The following COL4A4 variants were observed in gnomAD, a reference collection of about 807,000 sequenced individuals.
The protein encoded by COL4A4 is collagen alpha-4(IV) chain.
A neutral mutation model predicts 192.9 loss-of-function variants in COL4A4; 105 were observed. The observed-to-expected ratio is 0.54, with a 90% CI of 0.46 to 0.64. COL4A4 has a LOEUF of 0.64. Among genes scored for constraint, COL4A4 ranks in the 30% least tolerant of loss-of-function variants. The probability of loss-of-function intolerance (pLI) is 0.00; values close to 1 mark genes in which losing one functional copy is unlikely to be tolerated. For missense variants in COL4A4, 1,967 were observed against 2,169.3 expected (o/e 0.91, Z 1.85); for synonymous variants, 762 against 769.9 (o/e 0.99, Z 0.17).
intron 41 of COL4A4, among the ~76,000 whole-genome samples, chr2:227,028,919 CAA>C (rs1344572569): frequency 6.6e-6 from 1 of 152,088 alleles, no homozygotes; most frequent in African/African-American, 2.4e-5. Context: ...CTTGGCCTCC[CAA>C]AGTGTTGGGA....
At chr2:227,013,449 C>T (rs539115645) in intron 44 of COL4A4, among the ~76,000 whole-genome samples, 8 of 152,300 alleles carry the variant, frequency 5.3e-5, no homozygotes, top group Non-Finnish European at 1.0e-4. Context: ...AGGCTGGGCC[C>T]TAATCCAGGC....
At chr2:227,069,478 G>C (rs1044115913) in intron 25 of COL4A4, among the ~76,000 whole-genome samples, 2 of 151,900 alleles carry the variant, frequency 1.3e-5, no homozygotes, top group Admixed American at 6.6e-5. Context: ...ATACTACAAG[G>C]CTACAGTAAC....
rs367776132 is a variant in COL4A4, at chr2:227,025,783, A to G, written c.4090+19T>C. 6.2e-7 allele frequency: 1 copy of G among 1,611,726 alleles called. No individual in the cohort carries two copies. Among genetic ancestry groups the G allele is most frequent in the Non-Finnish European group, 8.5e-7 (1 of 1,178,146 alleles). ...AAACCAGAGTGAGGGGAAATTACCA[A>G]TTTTATAGCAAAGCTTACCTCTGGG... On this transcript the variant is annotated intron_variant, in intron 43 of 47. Transcript: ENST00000396625.
chr2:227,161,858 A>G (rs2064861352), intron 1 of COL4A4, among the ~76,000 whole-genome samples: 1 of 151,952 alleles, frequency 6.6e-6, no homozygotes, highest in Non-Finnish European at 1.5e-5. Flanking sequence ...GCCTCCAGCC[A>G]TTTTAGTACT....
At chr2:227,154,760 T>C (rs983624130) in intron 1 of COL4A4, among the ~76,000 whole-genome samples, 3 of 152,350 alleles carry the variant, frequency 2.0e-5, no homozygotes, top group African/African-American at 7.2e-5. Flanking sequence ...TCAGAGGTCA[T>C]GAAAGTGTTC....
chr2:227,101,701 G>T, intron 16 of COL4A4, 144 bp from the exon 17 acceptor site: 3 of 1,090,664 alleles, frequency 2.8e-6, no homozygotes, highest in African/African-American at 1.6e-5. Flanking sequence ...AGACAATCTT[G>T]TGCTTCAATT....
intron 4 of COL4A4, among the ~76,000 whole-genome samples, chr2:227,134,885 T>C (rs1459413946): frequency 6.6e-6 from 1 of 152,232 alleles, no homozygotes; most frequent in African/African-American, 2.4e-5. Context: ...TTATACTCCC[T>C]TGAATAGAAA....
intron 4 of COL4A4, among the ~76,000 whole-genome samples, chr2:227,121,878 A>C (rs2061818240): frequency 1.3e-5 from 2 of 152,220 alleles, no homozygotes; most frequent in South Asian, 4.1e-4. Context: ...AAACTAAAAA[A>C]TCAAAGTTTT....
Position 227,004,071 on chromosome 2 carries a change from T to G in COL4A4, c.*3254A>C, listed in dbSNP as rs549213821. 1 of 152,214 alleles carries G rather than the reference T, an allele frequency of 6.6e-6. No homozygotes were observed. The highest frequency in any genetic ancestry group is 2.4e-5 in the African/African-American group (1 of 41,530). The allele number at this position is 152,214 out of a possible 1,614,324, so 9.4% of individuals were successfully genotyped here. A position where few individuals can be genotyped will look rare whatever the true frequency, so the allele number is the denominator to read the frequency against. ...GGAATTGTCATTGAAAAAAATGAAT[T>G]GGCAGTAATGTGTTCAACTCTGTGC... is the stretch of plus-strand genomic sequence containing the variant. On this transcript the variant is annotated 3_prime_UTR_variant, in exon 48 of 48. Transcript: ENST00000396625.
intron 41 of COL4A4, among the ~76,000 whole-genome samples, chr2:227,028,889 G>C (rs1456195108): frequency 6.6e-6 from 1 of 151,872 alleles, no homozygotes; most frequent in Admixed American, 6.6e-5. Flanking sequence ...AACTATACTG[G>C]CCTCCAGGGA....
Position 227,027,945 on chromosome 2 carries a change from A to G in COL4A4, c.4038T>C (p.Gly1346=), listed in dbSNP as rs565940301. 8.7e-6 allele frequency: 14 copies of G among 1,613,904 alleles called. No homozygotes were observed. The East Asian group carries it at 1.3e-4, about 15-fold the overall frequency. ...CTTTTCTCCCTGGAGGTCCAGGTAA[A>G]CCCTTCTCTCCAGGTGGCCCAGGAA... The part of the protein sequence containing the change: ...HGFPGPPGEK[G]LPGPPGRKGP... The change falls in exon 42 of 48, where the codon GGT becomes GGC. Residue 1346 remains glycine, a synonymous_variant. Coordinates refer to ENST00000396625, the MANE Select transcript of COL4A4 (RefSeq NM_000092.5).
At chr2:227,056,658 C>A (rs1975438734) in intron 29 of COL4A4, among the ~76,000 whole-genome samples, 1 of 152,194 alleles carries the variant, frequency 6.6e-6, no homozygotes, top group Non-Finnish European at 1.5e-5. Context: ...ATAGCCCCTG[C>A]TATGTTCTGA....
Position 227,077,932 on chromosome 2 carries a change from G to T in COL4A4, c.1949C>A (p.Pro650Gln). 6.2e-7 allele frequency: 1 copy of T among 1,613,564 alleles called. No individual in the cohort carries two copies. The highest frequency in any genetic ancestry group is 8.5e-7 in the Non-Finnish European group (1 of 1,180,018). The change falls in exon 25 of 48, where the codon CCA becomes CAA. Residue 650 changes from proline (P) to glutamine (Q), a missense_variant. By Grantham distance (76) the Pro-to-Gln change is moderately conservative. Transcript: ENST00000396625. ...ERGHPGVPGHPGVRGPDGLKG... is the reference protein window; with the variant it reads ...ERGHPGVPGHQGVRGPDGLKG... ...CAAGCCATCAGGGCCCCTCACACCT[G>T]GGTGGCCTGGAACTCCTGGGTGGCC...
chr2:226,997,277 A>G, the COL4A4 span: 1 of 152,194 alleles, frequency 6.6e-6, no homozygotes, highest in African/African-American at 2.4e-5. Flanking sequence ...TTCAAGCTAA[A>G]TGTTACTGCT....
In COL4A4 at chr2:227,140,058, C is replaced by T. The variant is rs139086926; in HGVS notation, c.192+103G>A. 137 of 949,058 alleles carry T rather than the reference C, an allele frequency of 1.4e-4. 1 individual carries two copies. The African/African-American group carries it at 1.7e-3, about 12-fold the overall frequency. 58.8% of individuals were successfully genotyped at this position (949,058 alleles called of 1,614,324 possible). A position where few individuals can be genotyped will look rare whatever the true frequency, so the allele number is the denominator to read the frequency against. On this transcript the variant is annotated intron_variant, in intron 4 of 47. Transcript: ENST00000396625. ...CGGCTGTGAAATACATAAACATTAT[C>T]GAGGACTAAAATTTGCCAAGAATCT... is the stretch of plus-strand genomic sequence containing the variant.
chr2:227,131,167 T>C (rs112828385), intron 4 of COL4A4, among the ~76,000 whole-genome samples: 3 of 151,854 alleles, frequency 2.0e-5, no homozygotes, highest in African/African-American at 2.4e-5. Flanking sequence ...TTCTTTCTTT[T>C]TTTTTTAAGA....
chr2:226,977,933 A>G, the COL4A4 span, among the ~76,000 whole-genome samples: 1 of 152,252 alleles, frequency 6.6e-6, no homozygotes, highest in Non-Finnish European at 1.5e-5. Flanking sequence ...AGAGTTCACC[A>G]CATCAAAAAG....
chr2:227,021,641 C>T (rs905755333), intron 44 of COL4A4, among the ~76,000 whole-genome samples: 4 of 151,894 alleles, frequency 2.6e-5, no homozygotes, highest in African/African-American at 7.3e-5. Context: ...CTGGCTAACT[C>T]GGTGAAACCC....
chr2:227,103,814 C>T (rs573711090), intron 13 of COL4A4, among the ~76,000 whole-genome samples, 158 bp downstream of exon 13: 18 of 152,224 alleles, frequency 1.2e-4, no homozygotes, highest in Non-Finnish European at 2.4e-4. Context: ...TTTTCAATGC[C>T]GCACGATGGG....
Sources: allele counts gnomAD v4.1 joint callset (sites outside exome capture counted in the v4.1 genomes callset), GRCh38; gene constraint gnomAD v4.1.1; transcripts MANE v1.5; gene names NCBI Gene and HGNC (gene_info 2026-07-23, HGNC 2026-07-21).